TRMT44: variants seen among roughly 807,000 people sequenced by gnomAD.
The protein encoded by TRMT44 is probable tRNA (uracil-O(2)-)-methyltransferase.
TRMT44 carries 78 observed loss-of-function variants against 77.3 expected under a neutral mutation model. The observed-to-expected ratio is 1.01, with a 90% confidence interval of 0.84 to 1.22. The LOEUF is 1.22. Among genes scored for constraint, TRMT44 ranks in the 50% most tolerant of loss-of-function variants. The pLI is 0.00. For missense variants in TRMT44, 1,090 were observed against 964.4 expected (o/e 1.13, Z -1.73); for synonymous variants, 391 against 383.3 (o/e 1.02, Z -0.23).
At chr4:8,491,754 G>C (rs967728329) in intron 2 of TRMT44, among the ~76,000 whole-genome samples, 5 of 152,186 alleles carry the variant, frequency 3.3e-5, no homozygotes, top group African/African-American at 1.2e-4. Context: ...TGGCCCCCAA[G>C]CGCTGCACGC....
At chr4:8,485,825 T>C (rs376269991) in intron 2 of TRMT44, among the ~76,000 whole-genome samples, 32 of 151,370 alleles carry the variant, frequency 2.1e-4, no homozygotes, top group African/African-American at 7.3e-4. Flanking sequence ...GGCACCAGAG[T>C]GGGGGAGTTT....
At chr4:8,486,446 G>A (rs1355129131) in intron 2 of TRMT44, among the ~76,000 whole-genome samples, 2 of 152,132 alleles carry the variant, frequency 1.3e-5, no homozygotes, top group Admixed American at 6.5e-5. Context: ...TGGGTTTGAG[G>A]GCTGGAATTT....
At chr4:8,513,336 G>C in the TRMT44 span, among the ~76,000 whole-genome samples, 2 of 152,192 alleles carry the variant, frequency 1.3e-5, no homozygotes, top group Non-Finnish European at 2.9e-5. Context: ...AGAACCATCA[G>C]ATCTCATGAA....
chr4:8,481,946 T>G (rs1024303517), intron 2 of TRMT44, among the ~76,000 whole-genome samples: 1 of 152,242 alleles, frequency 6.6e-6, no homozygotes, highest in African/African-American at 2.4e-5. Flanking sequence ...TTTCCTTTTT[T>G]CATCATAGAT....
intron 10 of TRMT44, among the ~76,000 whole-genome samples, chr4:8,471,525 C>T (rs1016516436): frequency 1.3e-5 from 2 of 152,230 alleles, no homozygotes; most frequent in African/African-American, 4.8e-5. Context: ...GCTGGCCGGT[C>T]CCCTGTTGGC....
downstream of TRMT44, among the ~76,000 whole-genome samples, chr4:8,480,499 T>A (rs761090393): frequency 1.3e-5 from 2 of 152,216 alleles, no homozygotes; most frequent in Non-Finnish European, 2.9e-5. Flanking sequence ...GCTTCCCTTT[T>A]CCGGTAGGAC....
intron 2 of TRMT44, among the ~76,000 whole-genome samples, chr4:8,487,483 G>A (rs1397183010): frequency 6.6e-6 from 1 of 151,976 alleles, no homozygotes; most frequent in African/African-American, 2.4e-5. Context: ...AAGGGATGGG[G>A]CGCAGAGATA....
chr4:8,455,918 C>T (rs574032360), intron 6 of TRMT44, among the ~76,000 whole-genome samples: 8 of 151,974 alleles, frequency 5.3e-5, no homozygotes, highest in South Asian at 2.1e-4. Context: ...AAATGCATAA[C>T]CTAGAAATAT....
At chr4:8,501,669 C>G in the TRMT44 span, among the ~76,000 whole-genome samples, 1 of 152,194 alleles carries the variant, frequency 6.6e-6, no homozygotes, top group Non-Finnish European at 1.5e-5. The surrounding 1 kb of genome is among the most constrained non-coding windows in gnomAD (Gnocchi z 4.4). Flanking sequence ...GACTCTTCCT[C>G]TCCCTCTTTG....
In TRMT44 at chr4:8,476,276, G is replaced by A. The variant is rs1560244731; in HGVS notation, c.*275G>A. On this transcript the variant is annotated 3_prime_UTR_variant, in exon 11 of 11. Transcript: ENST00000389737. ...CTTCATATCATAAAGATTGTGCACG[G>A]ATCCTTACAATGTCTCCTGGGGGAG... 1 of 499,814 alleles carries A rather than the reference G, an allele frequency of 2.0e-6. No homozygotes were observed. Among genetic ancestry groups the A allele is most frequent in the East Asian group, 3.6e-5 (1 of 28,114 alleles). The allele number at this position is 499,814 out of a possible 1,614,324, so 31.0% of individuals were successfully genotyped here. A position where few individuals can be genotyped will look rare whatever the true frequency, so the allele number is the denominator to read the frequency against.
At chr4:8,512,579 T>C in the TRMT44 span, 2 of 152,246 alleles carry the variant, frequency 1.3e-5, no homozygotes, top group African/African-American at 4.8e-5. Context: ...TCGTCGAAAC[T>C]TCCTCAATAA....
chr4:8,494,239 A>G (rs1577071513), downstream of TRMT44, among the ~76,000 whole-genome samples: 1 of 151,926 alleles, frequency 6.6e-6, no homozygotes, highest in African/African-American at 2.4e-5. Context: ...CCTCCCTCAC[A>G]ATTTGTTCCC....
At chr4:8,485,946 C>T (rs369696720) in intron 2 of TRMT44, among the ~76,000 whole-genome samples, 56 of 152,238 alleles carry the variant, frequency 3.7e-4, no homozygotes, top group African/African-American at 1.3e-3. Flanking sequence ...ATCGATTAAA[C>T]AGGGGATGGA....
intron 2 of TRMT44, among the ~76,000 whole-genome samples, chr4:8,448,069 T>C (rs559432459): frequency 1.3e-5 from 2 of 152,062 alleles, no homozygotes; most frequent in East Asian, 3.9e-4. Context: ...CGTTCACTGC[T>C]CTTTAACGAG....
At chr4:8,487,588 G>A (rs1245958732) in intron 2 of TRMT44, among the ~76,000 whole-genome samples, 1 of 151,668 alleles carries the variant, frequency 6.6e-6, no homozygotes, top group African/African-American at 2.4e-5. Context: ...AGAGGTTGGG[G>A]CATGGAAATA....
In TRMT44 at chr4:8,451,714, C is replaced by T. The variant is rs1419796422; in HGVS notation, c.955-246C>T. The stretch of plus-strand genomic sequence containing the variant: ...CTGTGTCCACTGCCTCAGCTAAATG[C>T]CTTAGGTACATTCTGTTGATTGTGA... On this transcript the variant is annotated intron_variant, in intron 3 of 10. Coordinates refer to ENST00000389737, the MANE Select transcript of TRMT44 (RefSeq NM_152544.3). The surrounding 1 kb of genome is among the most constrained non-coding windows in gnomAD (Gnocchi z 4.1). 6.6e-6 allele frequency among the ~76,000 whole-genome samples: 1 copy of T among 152,200 alleles called. No individual in the cohort carries two copies. Among genetic ancestry groups the T allele is most frequent in the Non-Finnish European group, 1.5e-5 (1 of 68,048 alleles).
the TRMT44 span, chr4:8,507,304 C>T: frequency 0.018 from 2,689 of 152,524 alleles, 30 homozygotes; most frequent in Non-Finnish European, 0.028. Flanking sequence ...GGGAAGTGAA[C>T]GAAGAAGGAC....
At chr4:8,488,397 T>C (rs1037577263) in intron 2 of TRMT44, among the ~76,000 whole-genome samples, 4 of 152,000 alleles carry the variant, frequency 2.6e-5, no homozygotes, top group Non-Finnish European at 4.4e-5. Context: ...TTTTATAAGA[T>C]TTGGTTAGGT....
At chr4:8,472,674 TG>T (rs1476740156) in intron 10 of TRMT44, among the ~76,000 whole-genome samples, 1 of 151,874 alleles carries the variant, frequency 6.6e-6, no homozygotes, top group African/African-American at 2.4e-5. Flanking sequence ...TGCTGTTGGG[TG>T]GGGGGCCGGT....
Sources: gnomAD v4.1 joint callset for allele counts (sites outside exome capture counted in the v4.1 genomes callset) on GRCh38, gnomAD v4.1.1 for gene constraint, Gnocchi (gnomAD v3.1) non-coding constraint, MANE v1.5 for transcripts, NCBI Gene and HGNC (gene_info 2026-07-23, HGNC 2026-07-21) for gene names.